Variants in LPP observed in about 807,000 individuals in gnomAD.
LPP encodes lipoma-preferred partner.
Under a neutral mutation model 60.4 loss-of-function variants are expected in LPP, and 38 were observed. That is an observed-to-expected ratio of 0.63 (90% CI 0.49 to 0.83). LPP has a LOEUF of 0.83. Among genes scored for constraint, LPP ranks in the 40% least tolerant of loss-of-function variants. The probability of loss-of-function intolerance (pLI) is 0.00; values close to 1 mark genes in which losing one functional copy is unlikely to be tolerated. For synonymous variants in LPP, 328 were observed against 290.8 expected (o/e 1.13, Z -1.30); for missense variants, 902 against 783.6 (o/e 1.15, Z -1.80).
chr3:188,617,973 A>G (rs980241796), intron 7 of LPP, among the ~76,000 whole-genome samples: 2 of 152,164 alleles, frequency 1.3e-5, no homozygotes, highest in African/African-American at 2.4e-5. Context: ...TCAACAAGAG[A>G]CTATGGTTAT....
At chr3:188,402,516 A>G (rs1782491303) in intron 3 of LPP, among the ~76,000 whole-genome samples, 1 of 152,238 alleles carries the variant, frequency 6.6e-6, no homozygotes. Flanking sequence ...TATTCCACAA[A>G]TGCCAAGATA....
chr3:188,225,292 T>C (rs1217815856), intron 1 of LPP, 113 bp from the exon 2 acceptor site: 1 of 152,126 alleles, frequency 6.6e-6, no homozygotes, highest in Non-Finnish European at 1.5e-5. Flanking sequence ...ACTAGGAGTT[T>C]AGGAGGTATA....
chr3:188,521,483 C>T (rs1412061320), intron 5 of LPP, among the ~76,000 whole-genome samples: 1 of 152,110 alleles, frequency 6.6e-6, no homozygotes, highest in Admixed American at 6.5e-5. Context: ...CTTTCTGCTT[C>T]AGTAAAGTAC....
chr3:188,655,994 A>G (rs1277403918), intron 7 of LPP, among the ~76,000 whole-genome samples: 1 of 151,994 alleles, frequency 6.6e-6, no homozygotes, highest in Non-Finnish European at 1.5e-5. Flanking sequence ...GTTTGAGACC[A>G]GCCTGACCAA....
intron 8 of LPP, among the ~76,000 whole-genome samples, chr3:188,746,990 A>G (rs114926605): frequency 0.016 from 2,485 of 152,294 alleles, 59 homozygotes; most frequent in African/African-American, 0.057. Flanking sequence ...TGTTTATCCT[A>G]TAAAATTTAT....
At chr3:188,197,158 G>A (rs896781317) in intron 1 of LPP, among the ~76,000 whole-genome samples, 7 of 152,130 alleles carry the variant, frequency 4.6e-5, no homozygotes, top group African/African-American at 1.7e-4. Flanking sequence ...GGTAGGGATG[G>A]GAGCATGGAG....
intron 6 of LPP, among the ~76,000 whole-genome samples, chr3:188,545,929 C>T (rs146297529): frequency 1.1e-4 from 16 of 152,238 alleles, no homozygotes; most frequent in African/African-American, 3.6e-4. Flanking sequence ...GAGACACTGT[C>T]GTGACCATCT....
chr3:188,720,858 C>G (rs1262751639), intron 8 of LPP, among the ~76,000 whole-genome samples: 1 of 152,126 alleles, frequency 6.6e-6, no homozygotes, highest in Non-Finnish European at 1.5e-5. Flanking sequence ...TAAAATTCAA[C>G]AAGAGCAAAC....
chr3:188,517,944 T>G (rs1178527899), intron 5 of LPP, among the ~76,000 whole-genome samples: 2 of 152,104 alleles, frequency 1.3e-5, no homozygotes, highest in Admixed American at 6.5e-5. Flanking sequence ...GACAGCTGAT[T>G]GTTTAAAAGA....
At position 188,609,255 on chromosome 3, in the gene LPP, C is replaced by T. The variant is rs756807153; in HGVS notation, c.524C>T (p.Thr175Ile). Residue 175 changes from threonine (T) to isoleucine (I), a missense_variant, in exon 7 of 12, where the codon ACC (threonine) becomes ATC (isoleucine). Thr to Ile is a moderately conservative substitution (Grantham distance 89, BLOSUM62 -1). Transcript: ENST00000617246. The surrounding 1 kb of genome is among the most constrained non-coding windows in gnomAD (Gnocchi z 6.9). ...CCGAACCAACCCCCTCTAACAGCAA[C>T]CAAGAAGTCTACATTGAAACCACAG... is the stretch of plus-strand genomic sequence containing the variant. ...VIPNQPPLTA[T>I]KKSTLKPQPA... The T allele has an allele frequency of 6.2e-7, 1 of 1,613,956 alleles. No homozygotes were observed. The highest frequency in any genetic ancestry group is 8.5e-7 in the Non-Finnish European group (1 of 1,180,016).
intron 1 of LPP, among the ~76,000 whole-genome samples, chr3:188,203,409 A>T (rs1248214324): frequency 3.8e-5 from 2 of 53,222 alleles, no homozygotes; most frequent in Non-Finnish European, 7.6e-5. Flanking sequence ...TATTTTTATA[A>T]ATATATATAT....
chr3:188,351,455 C>T (rs1765814071), intron 3 of LPP, among the ~76,000 whole-genome samples: 1 of 152,158 alleles, frequency 6.6e-6, no homozygotes, highest in African/African-American at 2.4e-5. Context: ...TCTACAGGCT[C>T]TGTCTGGAGT....
intron 2 of LPP, among the ~76,000 whole-genome samples, chr3:188,309,022 C>CTT (rs777945680): frequency 0.089 from 10,647 of 119,538 alleles, 585 homozygotes; most frequent in African/African-American, 0.12. Flanking sequence ...TCTTCTTCTT[C>CTT]TTTTTTTTTT....
At chr3:188,818,903 G>A (rs889318357) in intron 9 of LPP, among the ~76,000 whole-genome samples, 4 of 152,018 alleles carry the variant, frequency 2.6e-5, no homozygotes, top group African/African-American at 9.7e-5. Context: ...CTTAACTTTG[G>A]CTGTTGGAAG....
In LPP at chr3:188,187,115, C is replaced by T. The variant is rs182799352; in HGVS notation, c.-190+32863C>T. Among the ~76,000 whole-genome samples the T allele has an allele frequency of 1.8e-3, 277 of 152,046 alleles. 1 individual carries two copies. The highest frequency in any genetic ancestry group is 2.7e-3 in the Non-Finnish European group (185 of 67,972). ...ATGTTTTAGGTTACCTTTTGCATCT[C>T]GAGGGTTTATAATGGATACATGCAT... On this transcript the variant is annotated intron_variant, in intron 1 of 11. Coordinates refer to ENST00000617246, the MANE Select transcript of LPP (RefSeq NM_001375462.1).
intron 7 of LPP, among the ~76,000 whole-genome samples, chr3:188,669,432 T>C (rs62290006): frequency 0.21 from 32,599 of 151,734 alleles, 3,795 homozygotes; most frequent in African/African-American, 0.28. Context: ...AAAAATTAGC[T>C]GGGCGTGGTG....
intron 8 of LPP, chr3:188,711,170 T>C (rs550008103): frequency 6.6e-6 from 1 of 152,330 alleles, no homozygotes; most frequent in African/African-American, 2.4e-5. Flanking sequence ...ATAGAACGTA[T>C]GTCACTGGTA....
At chr3:188,521,353 G>A (rs1818815030) in intron 5 of LPP, among the ~76,000 whole-genome samples, 1 of 152,082 alleles carries the variant, frequency 6.6e-6, no homozygotes, top group African/African-American at 2.4e-5. Flanking sequence ...TGTCTTACAA[G>A]CACAGACTGG....
intron 5 of LPP, among the ~76,000 whole-genome samples, chr3:188,516,023 GA>G (rs1261573605): frequency 6.6e-6 from 1 of 152,176 alleles, no homozygotes; most frequent in Non-Finnish European, 1.5e-5. Flanking sequence ...CAGCATGGGA[GA>G]AAAGCCATCC....
Sources: allele counts gnomAD v4.1 joint callset (sites outside exome capture counted in the v4.1 genomes callset), GRCh38; gene constraint gnomAD v4.1.1; non-coding constraint Gnocchi (gnomAD v3.1); transcripts MANE v1.5; gene names NCBI Gene and HGNC (gene_info 2026-07-23, HGNC 2026-07-21).